SCAPER: variants seen among roughly 807,000 people sequenced by gnomAD.
SCAPER encodes the protein S-phase cyclin A associated protein in the ER.
A neutral mutation model predicts 182.2 loss-of-function variants in SCAPER; 98 were observed. That is an observed-to-expected ratio of 0.54 (90% CI 0.46 to 0.64). The LOEUF (loss-of-function observed/expected upper bound fraction) is 0.64. Among genes scored for constraint, SCAPER ranks in the 30% least tolerant of loss-of-function variants. The probability of loss-of-function intolerance (pLI) is 0.00; values close to 1 mark genes in which losing one functional copy is unlikely to be tolerated. For synonymous variants in SCAPER, 605 were observed against 564.6 expected (o/e 1.07, Z -1.01); for missense variants, 1,432 against 1,690.0 (o/e 0.85, Z 2.68).
intron 16 of SCAPER, among the ~76,000 whole-genome samples, chr15:76,730,794 T>C (rs900963072): frequency 6.6e-6 from 1 of 152,208 alleles, no homozygotes; most frequent in South Asian, 2.1e-4. Context: ...TTATAAAATA[T>C]GTATTATGTA....
At chr15:76,599,485 T>C (rs1479958250) in intron 22 of SCAPER, among the ~76,000 whole-genome samples, 1 of 122,200 alleles carries the variant, frequency 8.2e-6, no homozygotes, top group South Asian at 2.5e-4. Context: ...CAAGTATCCA[T>C]CATTAGTGGA....
intron 20 of SCAPER, among the ~76,000 whole-genome samples, chr15:76,683,680 A>G (rs944940504): frequency 1.3e-4 from 20 of 152,210 alleles, no homozygotes; most frequent in Admixed American, 1.3e-3. Flanking sequence ...GATCACTTAC[A>G]AAAGGAACCC....
chr15:76,786,545 G>GAA (rs2064625507), intron 8 of SCAPER, among the ~76,000 whole-genome samples: 2 of 152,068 alleles, frequency 1.3e-5, no homozygotes, highest in Non-Finnish European at 2.9e-5. Context: ...AATACTTAGT[G>GAA]GTGCAAAACT....
At chr15:76,374,682 T>C (rs914888292) in intron 29 of SCAPER, among the ~76,000 whole-genome samples, 1 of 151,672 alleles carries the variant, frequency 6.6e-6, no homozygotes, top group Admixed American at 6.6e-5. Context: ...GGTTTCTTCA[T>C]GTTGGTGAGT....
chr15:76,675,286 A>G (rs280018), intron 20 of SCAPER, among the ~76,000 whole-genome samples: 152,344 of 152,370 alleles, frequency 1, 76,159 homozygotes, highest in Non-Finnish European at 1. Context: ...TCTCTCAAGC[A>G]TCTAAGACCT....
chr15:76,666,334 G>A (rs539841214), intron 20 of SCAPER, among the ~76,000 whole-genome samples: 1 of 152,304 alleles, frequency 6.6e-6, no homozygotes, highest in South Asian at 2.1e-4. Flanking sequence ...ACACATCCTA[G>A]AGATGAGAAA....
chr15:76,498,997 C>CA (rs948091002), intron 24 of SCAPER, among the ~76,000 whole-genome samples: 30 of 152,096 alleles, frequency 2.0e-4, no homozygotes, highest in Admixed American at 1.8e-3. Context: ...GCATACCTTA[C>CA]AAAAAAGAAT....
rs571077573 is a variant in SCAPER, at chr15:76,488,979, T to A, written c.2954+15880A>T. Among the ~76,000 whole-genome samples, 3 of 151,274 alleles carry A rather than the reference T, an allele frequency of 2.0e-5. No homozygotes were observed. The South Asian group carries it at 6.3e-4, about 32-fold the overall frequency. On this transcript the variant is annotated intron_variant, in intron 24 of 31. Transcript: ENST00000563290. ...CTCAGGTGATCCACCTGTCTCAGCC[T>A]CCCAAAGTGCTAGGATTACAGGCGT...
chr15:76,588,498 G>C (rs978640471), intron 22 of SCAPER, among the ~76,000 whole-genome samples: 3 of 152,086 alleles, frequency 2.0e-5, no homozygotes, highest in African/African-American at 7.2e-5. Flanking sequence ...TATGAGTTAG[G>C]TGAGTCTCTT....
At position 76,577,220 on chromosome 15, in the gene SCAPER, C is replaced by G. The variant is rs562268725; in HGVS notation, c.2712-2936G>C. On this transcript the variant is annotated intron_variant, in intron 22 of 31. Coordinates refer to ENST00000563290, the MANE Select transcript of SCAPER (RefSeq NM_020843.4). Reference sequence around the variant, plus strand: ...CAGTGCTTTGGGAGGCTGAGGCAAGCGGATTGCTTGGGCCCAGAAGTTCAA... The same window carrying G: ...CAGTGCTTTGGGAGGCTGAGGCAAGGGGATTGCTTGGGCCCAGAAGTTCAA... Among the ~76,000 whole-genome samples the G allele has an allele frequency of 2.8e-4, 42 of 152,080 alleles. 1 individual carries two copies. In the South Asian group the frequency reaches 8.5e-3, roughly 31 times the overall value.
chr15:76,639,881 GTTAA>G (rs1414062210), intron 21 of SCAPER, among the ~76,000 whole-genome samples: 6 of 152,080 alleles, frequency 3.9e-5, no homozygotes, highest in Non-Finnish European at 7.4e-5. Flanking sequence ...AATTACCTGT[GTTAA>G]TTGTTACTTG....
chr15:76,460,478 T>C (rs1257975060), intron 25 of SCAPER, among the ~76,000 whole-genome samples: 2 of 152,156 alleles, frequency 1.3e-5, no homozygotes, highest in Non-Finnish European at 2.9e-5. Context: ...TTTTTCTAAA[T>C]ATAAGATCAT....
chr15:76,735,146 G>C (rs1040314702), intron 15 of SCAPER, among the ~76,000 whole-genome samples: 3 of 151,918 alleles, frequency 2.0e-5, no homozygotes, highest in African/African-American at 4.8e-5. Flanking sequence ...AGGAGTTCAA[G>C]ATCAGCCTGA....
chr15:76,370,285 A>G (rs896873152), intron 29 of SCAPER, among the ~76,000 whole-genome samples: 1 of 111,456 alleles, frequency 9.0e-6, no homozygotes, highest in Non-Finnish European at 1.8e-5. Context: ...ATAATTTACC[A>G]TTTCAATTTT....
At chr15:76,403,495 T>C (rs1196849890) in intron 27 of SCAPER, among the ~76,000 whole-genome samples, 2 of 152,272 alleles carry the variant, frequency 1.3e-5, no homozygotes, top group African/African-American at 2.4e-5. Flanking sequence ...AGGGGTCCTA[T>C]GTATAATGAA....
chr15:76,404,060 T>G (rs1213787128), intron 27 of SCAPER, among the ~76,000 whole-genome samples: 2 of 152,212 alleles, frequency 1.3e-5, no homozygotes, highest in African/African-American at 4.8e-5. Flanking sequence ...CTTCCCTTAT[T>G]CATGGAAGTA....
intron 1 of SCAPER, among the ~76,000 whole-genome samples, chr15:76,902,400 T>G (rs1055310268): frequency 1.3e-5 from 2 of 152,208 alleles, no homozygotes; most frequent in African/African-American, 4.8e-5. Context: ...TTATGGCCTG[T>G]GTGATGGGAT....
At chr15:76,786,537 T>TA (rs2064623339) in intron 8 of SCAPER, among the ~76,000 whole-genome samples, 2 of 152,080 alleles carry the variant, frequency 1.3e-5, no homozygotes, top group Non-Finnish European at 2.9e-5. Context: ...GCTAACATAA[T>TA]ACTTAGTGGT....
chr15:76,414,579 A>G (rs2045527313), intron 26 of SCAPER, among the ~76,000 whole-genome samples: 1 of 147,512 alleles, frequency 6.8e-6, no homozygotes, highest in Non-Finnish European at 1.5e-5. Context: ...TGCTTCAAGG[A>G]AAAAAAAAAT....
Sources: gnomAD v4.1 joint callset for allele counts (sites outside exome capture counted in the v4.1 genomes callset) on GRCh38, gnomAD v4.1.1 for gene constraint, MANE v1.5 for transcripts, NCBI Gene and HGNC (gene_info 2026-07-23, HGNC 2026-07-21) for gene names.